ARHGAP35: variants seen among roughly 807,000 people sequenced by gnomAD.
ARHGAP35 encodes the protein Rho GTPase activating protein 35.
In ARHGAP35, 15 loss-of-function variants were observed where a neutral mutation model predicts 111.1. The ratio of observed to expected loss-of-function variants is 0.13; its 90% CI spans 0.09 to 0.21. The LOEUF is 0.21. Among genes scored for constraint, ARHGAP35 ranks in the 10% least tolerant of loss-of-function variants. ARHGAP35 has a pLI of 1.00. For missense variants in ARHGAP35, 1,262 were observed against 1,873.0 expected (o/e 0.67, Z 6.02); for synonymous variants, 643 against 710.3 (o/e 0.91, Z 1.51).
intron 3 of ARHGAP35, among the ~76,000 whole-genome samples, chr19:46,939,125 T>C (rs2056329306): frequency 6.6e-6 from 1 of 151,968 alleles, no homozygotes; most frequent in South Asian, 2.1e-4. Flanking sequence ...CCAAAGCGGT[T>C]TCTCATTGTC....
intron 2 of ARHGAP35, among the ~76,000 whole-genome samples, chr19:46,928,178 A>G (rs2056249394): frequency 1.3e-5 from 2 of 152,188 alleles, no homozygotes. Flanking sequence ...TTTTGGTGAT[A>G]AAAATAGACT....
chr19:46,863,656 G>T (rs957296944), intron 1 of ARHGAP35, among the ~76,000 whole-genome samples: 2 of 134,086 alleles, frequency 1.5e-5, no homozygotes, highest in Non-Finnish European at 3.3e-5. Context: ...CTTCCCCCCC[G>T]CCTTCGCCCC....
chr19:46,923,305 G>T (rs565753016), intron 2 of ARHGAP35, among the ~76,000 whole-genome samples: 1 of 151,882 alleles, frequency 6.6e-6, no homozygotes, highest in Non-Finnish European at 1.5e-5. Context: ...TAGTAGAGAC[G>T]GGGTTTCACC....
chr19:46,878,847 C>T (rs1232048078), intron 1 of ARHGAP35, among the ~76,000 whole-genome samples: 2 of 152,100 alleles, frequency 1.3e-5, no homozygotes, highest in African/African-American at 4.8e-5. Flanking sequence ...AGTGGAGGGT[C>T]CTGCCTTGAT....
rs1034349776 is a variant in ARHGAP35, at chr19:46,994,107, G to A, written c.4036+4432G>A. 6.6e-6 allele frequency among the ~76,000 whole-genome samples: 1 copy of A among 152,148 alleles called. No homozygotes were observed. Among genetic ancestry groups the A allele is most frequent in the Non-Finnish European group, 1.5e-5 (1 of 68,012 alleles). Reference sequence around the variant, plus strand: ...CCTGGGAATCCACAAACCAGCACACGCCAGGTGTGGGGAGAAGCCACCCTG... The same window carrying A: ...CCTGGGAATCCACAAACCAGCACACACCAGGTGTGGGGAGAAGCCACCCTG... On this transcript the variant is annotated intron_variant, in intron 5 of 6. Transcript: ENST00000672722. This position sits in a 1 kb window ranked among gnomAD's most constrained non-coding sequence, Gnocchi z 5.4.
intron 3 of ARHGAP35, among the ~76,000 whole-genome samples, chr19:46,956,529 C>T (rs1038887743): frequency 6.6e-6 from 1 of 151,834 alleles, no homozygotes; most frequent in African/African-American, 2.4e-5. Context: ...AAGCAATTCT[C>T]CTGCCTCGGC....
chr19:46,971,450 G>T (rs1011506857), intron 3 of ARHGAP35, among the ~76,000 whole-genome samples: 1 of 151,846 alleles, frequency 6.6e-6, no homozygotes, highest in African/African-American at 2.4e-5. Flanking sequence ...GGGTATCAGG[G>T]TGTAATGACT....
chr19:46,867,689 A>G (rs1859291726), intron 1 of ARHGAP35, among the ~76,000 whole-genome samples: 1 of 152,166 alleles, frequency 6.6e-6, no homozygotes, highest in South Asian at 2.1e-4. Flanking sequence ...ACACCTAGCA[A>G]AAATACCTTG....
intron 3 of ARHGAP35, among the ~76,000 whole-genome samples, chr19:46,961,746 A>G (rs1393683963): frequency 6.6e-6 from 1 of 152,114 alleles, no homozygotes; most frequent in African/African-American, 2.4e-5. Flanking sequence ...CCTGGCTAAT[A>G]TGGTGAAACC....
intron 2 of ARHGAP35, among the ~76,000 whole-genome samples, chr19:46,936,841 A>G (rs191683102): frequency 6.6e-6 from 1 of 151,258 alleles, no homozygotes. Flanking sequence ...ATCCTTCTTG[A>G]AATCTTTTTT....
intron 3 of ARHGAP35, among the ~76,000 whole-genome samples, chr19:46,961,787 G>A (rs892372809): frequency 3.9e-5 from 6 of 151,974 alleles, no homozygotes; most frequent in South Asian, 2.1e-4. Context: ...AAAATTAGCC[G>A]GGCGTGGTGG....
At chr19:46,959,029 A>ACTT (rs2056460048) in intron 3 of ARHGAP35, among the ~76,000 whole-genome samples, 1 of 137,862 alleles carries the variant, frequency 7.3e-6, no homozygotes, top group Non-Finnish European at 1.7e-5. Context: ...AACGAAGTAC[A>ACTT]GTTAAGTAAA....
chr19:46,869,997 A>T (rs892100186), intron 1 of ARHGAP35, among the ~76,000 whole-genome samples: 2 of 132,326 alleles, frequency 1.5e-5, no homozygotes, highest in African/African-American at 5.9e-5. Context: ...CCCAGGCTGG[A>T]GTGCAGTGGC....
intron 1 of ARHGAP35, among the ~76,000 whole-genome samples, chr19:46,861,941 C>G (rs1022668178): frequency 6.6e-6 from 1 of 152,182 alleles, no homozygotes; most frequent in Non-Finnish European, 1.5e-5. Flanking sequence ...TCTGCCCTCT[C>G]GCAGAGCCTG....
At chr19:46,898,295 C>A in intron 1 of ARHGAP35, among the ~76,000 whole-genome samples, 1 of 148,340 alleles carries the variant, frequency 6.7e-6, no homozygotes, top group Non-Finnish European at 1.5e-5. Flanking sequence ...TCTGAGGAAA[C>A]ATAAAGGAAG....
At chr19:46,936,128 C>T (rs1196264279) in intron 2 of ARHGAP35, among the ~76,000 whole-genome samples, 3 of 152,128 alleles carry the variant, frequency 2.0e-5, no homozygotes, top group African/African-American at 4.8e-5. Context: ...CCTGTGGTCC[C>T]AGCTTTGGGA....
chr19:46,865,291 T>TA (rs1432201517), intron 1 of ARHGAP35, among the ~76,000 whole-genome samples: 1 of 152,206 alleles, frequency 6.6e-6, no homozygotes, highest in African/African-American at 2.4e-5. Flanking sequence ...AGAAAATCTT[T>TA]GTAAAGACTT....
At chr19:46,880,100 TAAA>T (rs1300848268) in intron 1 of ARHGAP35, among the ~76,000 whole-genome samples, 1 of 150,906 alleles carries the variant, frequency 6.6e-6, no homozygotes, top group African/African-American at 2.4e-5. Flanking sequence ...AATAAATAAA[TAAA>T]TAAATAAATA....
Position 46,994,089 on chromosome 19 carries a change from A to C in ARHGAP35, c.4036+4414A>C, listed in dbSNP as rs2056693700. ...AAAGTCTGGACGAGCGGACCTGGGAATCCACAAACCAGCACACGCCAGGTG... is the reference window on the plus strand; with the variant it reads ...AAAGTCTGGACGAGCGGACCTGGGACTCCACAAACCAGCACACGCCAGGTG... On this transcript the variant is annotated intron_variant, in intron 5 of 6. Transcript: ENST00000672722. This position sits in a 1 kb window ranked among gnomAD's most constrained non-coding sequence, Gnocchi z 5.4. 6.6e-6 allele frequency among the ~76,000 whole-genome samples: 1 copy of C among 152,106 alleles called. No individual in the cohort carries two copies. Among genetic ancestry groups the C allele is most frequent in the African/African-American group, 2.4e-5 (1 of 41,438 alleles).
Sources: gnomAD v4.1 joint callset for allele counts (sites outside exome capture counted in the v4.1 genomes callset) on GRCh38, gnomAD v4.1.1 for gene constraint, Gnocchi (gnomAD v3.1) non-coding constraint, MANE v1.5 for transcripts, NCBI Gene and HGNC (gene_info 2026-07-23, HGNC 2026-07-21) for gene names.